LINGO2: variants seen among roughly 807,000 people sequenced by gnomAD.
The protein encoded by LINGO2 is leucine-rich repeat and immunoglobulin-like domain-containing nogo receptor-interacting protein 2.
Under a neutral mutation model 30.6 loss-of-function variants are expected in LINGO2, and 14 were observed. The ratio of observed to expected loss-of-function variants is 0.46; its 90% CI spans 0.30 to 0.72. The LOEUF (loss-of-function observed/expected upper bound fraction) is 0.72, where lower values mean the gene tolerates loss of function less well. Ranked by LOEUF, LINGO2 falls within the 30% of genes least tolerant of loss-of-function variation. The pLI is 0.07. For synonymous variants in LINGO2, 317 were observed against 288.5 expected (o/e 1.10, Z -1.00); for missense variants, 729 against 751.7 (o/e 0.97, Z 0.35).
chr9:28,673,153 G>T (rs1039468603), upstream of LINGO2, among the ~76,000 whole-genome samples: 1 of 152,054 alleles, frequency 6.6e-6, no homozygotes, highest in African/African-American at 2.4e-5. Flanking sequence ...TTCCTTCAGA[G>T]TTTTGTGGGT....
chr9:28,633,995 C>T (rs79085731), intron 1 of LINGO2, among the ~76,000 whole-genome samples: 11 of 152,004 alleles, frequency 7.2e-5, no homozygotes, highest in Non-Finnish European at 1.5e-4. Context: ...TTTCTTAGAG[C>T]GTGGTTTGTT....
the LINGO2 span, among the ~76,000 whole-genome samples, chr9:29,033,703 T>TA: frequency 1.6e-4 from 24 of 147,480 alleles, no homozygotes; most frequent in Middle Eastern, 3.5e-3. Flanking sequence ...AAGATGCCAC[T>TA]AAAAAAAAAA....
chr9:28,614,982 T>A (rs1014995151), intron 1 of LINGO2, among the ~76,000 whole-genome samples: 6 of 152,110 alleles, frequency 3.9e-5, no homozygotes, highest in African/African-American at 1.2e-4. Context: ...CATTTAATAT[T>A]GAATAAATAT....
intron 5 of LINGO2, among the ~76,000 whole-genome samples, chr9:27,970,258 T>C (rs1452853410): frequency 6.6e-6 from 1 of 152,204 alleles, no homozygotes; most frequent in Non-Finnish European, 1.5e-5. Context: ...TGGCCACCAC[T>C]GTTCCTGGGA....
At chr9:29,012,916 T>C in the LINGO2 span, among the ~76,000 whole-genome samples, 1 of 152,178 alleles carries the variant, frequency 6.6e-6, no homozygotes, top group Admixed American at 6.5e-5. Flanking sequence ...TCTTTTCTAT[T>C]AGTGAAAGAT....
At chr9:28,913,374 G>T in the LINGO2 span, among the ~76,000 whole-genome samples, 2 of 152,146 alleles carry the variant, frequency 1.3e-5, no homozygotes, top group Admixed American at 6.5e-5. Context: ...CAAAAGCAAG[G>T]TTTCCAGTAG....
chr9:29,139,962 GTTC>G, the LINGO2 span, among the ~76,000 whole-genome samples: 1 of 151,796 alleles, frequency 6.6e-6, no homozygotes, highest in Non-Finnish European at 1.5e-5. Context: ...GAGATTACGA[GTTC>G]TTGAAAAAAG....
intron 4 of LINGO2, among the ~76,000 whole-genome samples, chr9:28,056,410 G>A (rs1043582269): frequency 2.0e-5 from 3 of 152,066 alleles, no homozygotes; most frequent in African/African-American, 7.2e-5. Context: ...GCCTCCATCA[G>A]TTAAATATTG....
intron 4 of LINGO2, among the ~76,000 whole-genome samples, chr9:28,286,614 G>A (rs1378756763): frequency 2.6e-5 from 4 of 152,128 alleles, no homozygotes; most frequent in Non-Finnish European, 5.9e-5. Flanking sequence ...ATATACCACG[G>A]AATACTATGG....
At chr9:29,073,315 C>A in the LINGO2 span, among the ~76,000 whole-genome samples, 1 of 151,832 alleles carries the variant, frequency 6.6e-6, no homozygotes, top group African/African-American at 2.4e-5. Context: ...TAATGTATTG[C>A]CATACATTTG....
chr9:28,771,492 TGTGTGTGTGTGTGTGA>T, the LINGO2 span, among the ~76,000 whole-genome samples: 1,641 of 127,508 alleles, frequency 0.013, 20 homozygotes, highest in African/African-American at 0.025. Context: ...TGTGTGTGTG[TGTGTGTGTGTGTGTGA>T]GAGAGAGAGA....
At chr9:28,174,884 G>A (rs1033275832) in intron 4 of LINGO2, among the ~76,000 whole-genome samples, 2 of 149,308 alleles carry the variant, frequency 1.3e-5, no homozygotes, top group Non-Finnish European at 3.0e-5. Flanking sequence ...GAGAGAGAAA[G>A]AGAATTTGTG....
the LINGO2 span, among the ~76,000 whole-genome samples, chr9:29,116,615 C>A: frequency 4.6e-5 from 7 of 151,224 alleles, no homozygotes; most frequent in Non-Finnish European, 5.9e-5. Flanking sequence ...TGTAGAAGTA[C>A]AGTGAATTTC....
intron 2 of LINGO2, among the ~76,000 whole-genome samples, chr9:28,449,667 T>C (rs1212570956): frequency 6.6e-6 from 1 of 151,998 alleles, no homozygotes. Flanking sequence ...GTCTGGAAAA[T>C]GGAGATCAGC....
chr9:29,111,204 C>G, the LINGO2 span, among the ~76,000 whole-genome samples: 1 of 152,050 alleles, frequency 6.6e-6, no homozygotes, highest in Non-Finnish European at 1.5e-5. Context: ...GCTAAAGTAA[C>G]CTGTTTTGTG....
chr9:28,990,161 C>T, the LINGO2 span, among the ~76,000 whole-genome samples: 2 of 152,086 alleles, frequency 1.3e-5, no homozygotes, highest in African/African-American at 4.8e-5. Flanking sequence ...TGACACTGCG[C>T]TTTTCTGACA....
chr9:28,450,524 G>T (rs1824607457), intron 2 of LINGO2, among the ~76,000 whole-genome samples: 1 of 151,960 alleles, frequency 6.6e-6, no homozygotes, highest in Admixed American at 6.6e-5. Flanking sequence ...ATTAGATTAG[G>T]ATCCTTTTGC....
chr9:28,260,642 A>T (rs1470871051), intron 4 of LINGO2, among the ~76,000 whole-genome samples: 2 of 151,876 alleles, frequency 1.3e-5, no homozygotes, highest in Non-Finnish European at 2.9e-5. Context: ...TGCACCAGAG[A>T]GTCCTACGTA....
the LINGO2 span, among the ~76,000 whole-genome samples, chr9:29,059,249 CT>C: frequency 6.6e-6 from 1 of 151,552 alleles, no homozygotes; most frequent in Non-Finnish European, 1.5e-5. Context: ...TCCTAGCAGG[CT>C]TTTTTAAAAA....
Sources: allele counts gnomAD v4.1 joint callset (sites outside exome capture counted in the v4.1 genomes callset), GRCh38; gene constraint gnomAD v4.1.1; transcripts MANE v1.5; gene names NCBI Gene and HGNC (gene_info 2026-07-23, HGNC 2026-07-21).